Variants in ANO4 observed in about 807,000 individuals in gnomAD.
The protein encoded by ANO4 is anoctamin 4.
A neutral mutation model predicts 141.9 loss-of-function variants in ANO4; 69 were observed. The ratio of observed to expected loss-of-function variants is 0.49; its 90% CI spans 0.40 to 0.59. ANO4 has a LOEUF of 0.59. ANO4 is among the 20% of genes least tolerant of loss of function. ANO4 has a pLI of 0.00. For missense variants in ANO4, 894 were observed against 1,162.2 expected (o/e 0.77, Z 3.36); for synonymous variants, 350 against 394.3 (o/e 0.89, Z 1.33).
At chr12:100,975,232 G>A (rs1490141730) in intron 7 of ANO4, among the ~76,000 whole-genome samples, 3 of 150,142 alleles carry the variant, frequency 2.0e-5, no homozygotes, top group South Asian at 2.1e-4. Context: ...AAGTTATTTA[G>A]TGGTGATTTC....
chr12:101,111,117 T>G (rs2050647885), intron 23 of ANO4, among the ~76,000 whole-genome samples: 1 of 152,256 alleles, frequency 6.6e-6, no homozygotes, highest in African/African-American at 2.4e-5. Context: ...CATGTGGATG[T>G]TATTGTTAAT....
chr12:101,060,580 A>G (rs2048305756), intron 14 of ANO4, among the ~76,000 whole-genome samples: 1 of 152,146 alleles, frequency 6.6e-6, no homozygotes, highest in South Asian at 2.1e-4. Context: ...GGGTGCATAT[A>G]TATTTAGGAC....
intron 9 of ANO4, among the ~76,000 whole-genome samples, chr12:101,028,487 C>T (rs2046834099): frequency 6.6e-6 from 1 of 152,042 alleles, no homozygotes; most frequent in South Asian, 2.1e-4. Flanking sequence ...ACATAAATGA[C>T]CCGATGGAGC....
At chr12:101,014,816 A>C (rs2046247306) in intron 8 of ANO4, among the ~76,000 whole-genome samples, 1 of 152,052 alleles carries the variant, frequency 6.6e-6, no homozygotes, top group African/African-American at 2.4e-5. Flanking sequence ...TTTCCTTTTA[A>C]GTTTTCTTTT....
upstream of ANO4, among the ~76,000 whole-genome samples, chr12:100,792,696 T>A (rs1271305370): frequency 6.6e-6 from 1 of 152,240 alleles, no homozygotes; most frequent in Non-Finnish European, 1.5e-5. Context: ...CTAGATAATT[T>A]GTATTTCTGC....
intron 1 of ANO4, among the ~76,000 whole-genome samples, chr12:100,806,004 T>A (rs1206948224): frequency 6.6e-6 from 1 of 152,072 alleles, no homozygotes; most frequent in African/African-American, 2.4e-5. Flanking sequence ...ATGATCAATG[T>A]TCTTTTTCTC....
chr12:101,114,139 G>T (rs11110663), intron 24 of ANO4, among the ~76,000 whole-genome samples: 28,715 of 152,076 alleles, frequency 0.19, 2,846 homozygotes, highest in Admixed American at 0.26. Flanking sequence ...ATAGACATGG[G>T]CTCTCTACTA....
intron 1 of ANO4, among the ~76,000 whole-genome samples, chr12:100,817,875 G>A (rs2035821532): frequency 6.6e-6 from 1 of 151,836 alleles, no homozygotes; most frequent in Non-Finnish European, 1.5e-5. Flanking sequence ...TTTACTTCAA[G>A]TAATAATTCA....
chr12:101,080,886 TA>T (rs2049234750), intron 15 of ANO4, among the ~76,000 whole-genome samples: 1 of 131,384 alleles, frequency 7.6e-6, no homozygotes, highest in African/African-American at 2.8e-5. Flanking sequence ...ATATATATTA[TA>T]TATATATATA....
chr12:100,770,224 T>C (rs147743245), intron 3 of ANO4, among the ~76,000 whole-genome samples: 1 of 152,344 alleles, frequency 6.6e-6, no homozygotes, highest in African/African-American at 2.4e-5. Context: ...GCCATCAGAA[T>C]CACCGGGAGT....
chr12:100,915,110 C>G (rs1051419628), intron 2 of ANO4, among the ~76,000 whole-genome samples: 1 of 152,094 alleles, frequency 6.6e-6, no homozygotes, highest in African/African-American at 2.4e-5. Flanking sequence ...TGTGAGCCAC[C>G]ACACCCAGCC....
chr12:100,768,570 C>T (rs2033178413), intron 3 of ANO4, among the ~76,000 whole-genome samples: 1 of 152,140 alleles, frequency 6.6e-6, no homozygotes, highest in Non-Finnish European at 1.5e-5. Flanking sequence ...TTTCTGAGTG[C>T]CTCTGGGTCA....
At chr12:101,102,083 C>CA (rs957235104) in intron 22 of ANO4, among the ~76,000 whole-genome samples, 61 of 146,138 alleles carry the variant, frequency 4.2e-4, no homozygotes, top group Non-Finnish European at 7.4e-4. Context: ...AACTCCGTCT[C>CA]AAAAAAAAAA....
At chr12:100,873,329 G>A (rs1042871919) in intron 1 of ANO4, among the ~76,000 whole-genome samples, 1 of 152,178 alleles carries the variant, frequency 6.6e-6, no homozygotes, top group African/African-American at 2.4e-5. Flanking sequence ...AGACAACTGG[G>A]GGAAAGTTTG....
intron 9 of ANO4, among the ~76,000 whole-genome samples, chr12:101,034,288 C>G (rs1457712079): frequency 6.6e-6 from 1 of 152,166 alleles, no homozygotes; most frequent in Non-Finnish European, 1.5e-5. Context: ...TACATATCCA[C>G]TATGGAATAT....
At chr12:101,039,460 G>T (rs529617840) in intron 10 of ANO4, among the ~76,000 whole-genome samples, 1 of 152,138 alleles carries the variant, frequency 6.6e-6, no homozygotes, top group East Asian at 1.9e-4. Flanking sequence ...AGCTGAGATT[G>T]CGCCACTGCA....
At chr12:100,831,897 C>T (rs2036650746) in intron 1 of ANO4, among the ~76,000 whole-genome samples, 1 of 151,964 alleles carries the variant, frequency 6.6e-6, no homozygotes, top group Non-Finnish European at 1.5e-5. Flanking sequence ...TGATTTTTTT[C>T]CTGAAGCATG....
chr12:101,020,618 A>G (rs1413455994), intron 9 of ANO4, among the ~76,000 whole-genome samples: 1 of 152,194 alleles, frequency 6.6e-6, no homozygotes, highest in Non-Finnish European at 1.5e-5. Flanking sequence ...TGAGACCTGA[A>G]TGCTGGGGAA....
chr12:101,035,802 T>A (rs1345100364), intron 9 of ANO4, among the ~76,000 whole-genome samples: 3 of 152,106 alleles, frequency 2.0e-5, no homozygotes, highest in Admixed American at 2.0e-4. Context: ...GAGTTAAACA[T>A]TGAGTACACA....
Sources: allele counts gnomAD v4.1 joint callset (sites outside exome capture counted in the v4.1 genomes callset), GRCh38; gene constraint gnomAD v4.1.1; transcripts MANE v1.5; gene names NCBI Gene and HGNC (gene_info 2026-07-23, HGNC 2026-07-21).